ST3GAL5: variants seen among roughly 807,000 people sequenced by gnomAD.
The protein encoded by ST3GAL5 is lactosylceramide alpha-2,3-sialyltransferase.
A neutral mutation model predicts 46.1 loss-of-function variants in ST3GAL5; 25 were observed. That is an observed-to-expected ratio of 0.54 (90% CI 0.40 to 0.76). The LOEUF (loss-of-function observed/expected upper bound fraction) is 0.76, where lower values mean the gene tolerates loss of function less well. Ranked by LOEUF, ST3GAL5 falls within the 30% of genes least tolerant of loss-of-function variation. The probability of loss-of-function intolerance (pLI) is 0.00; values close to 1 mark genes in which losing one functional copy is unlikely to be tolerated. For synonymous variants in ST3GAL5, 182 were observed against 192.7 expected, an observed-to-expected ratio of 0.94 and a Z score of 0.46; for missense variants, 431 against 521.2, an observed-to-expected ratio of 0.83 and a Z score of 1.69.
At chr2:85,870,148 CTTCATAAGTTTTTTACTTTTGAA>C (rs1484034224) in intron 1 of ST3GAL5, 1 of 465,838 alleles carries the variant, frequency 2.1e-6, no homozygotes, top group Non-Finnish European at 4.5e-6. Flanking sequence ...ACATGTGATT[CTTCATAAGTTTTTTACTTTTGAA>C]TTACACGTTT....
intron 1 of ST3GAL5, among the ~76,000 whole-genome samples, chr2:85,883,352 C>T (rs1419254965): frequency 6.6e-6 from 1 of 152,164 alleles, no homozygotes; most frequent in Non-Finnish European, 1.5e-5. Context: ...CTCTTGCCTC[C>T]ACCATGCAAG....
At chr2:85,868,409 T>C (rs1685522657) in intron 1 of ST3GAL5, among the ~76,000 whole-genome samples, 1 of 152,020 alleles carries the variant, frequency 6.6e-6, no homozygotes, top group Non-Finnish European at 1.5e-5. Flanking sequence ...TCAGGCCATC[T>C]TCCCACCTCA....
chr2:85,873,889 G>A (rs527555232), intron 1 of ST3GAL5, among the ~76,000 whole-genome samples: 6 of 152,344 alleles, frequency 3.9e-5, no homozygotes, highest in South Asian at 2.1e-4. Context: ...AGGTGAGGAT[G>A]CTGACTGTGC....
At chr2:85,881,342 A>T (rs1241171204) in intron 1 of ST3GAL5, among the ~76,000 whole-genome samples, 2 of 152,248 alleles carry the variant, frequency 1.3e-5, no homozygotes, top group African/African-American at 2.4e-5. Flanking sequence ...GTAGCTGAAA[A>T]GATACCTGAA....
intron 3 of ST3GAL5, chr2:85,858,134 C>T (rs1185612233): frequency 6.6e-6 from 1 of 152,168 alleles, no homozygotes; most frequent in African/African-American, 2.4e-5. Context: ...GAGAGCCTAC[C>T]GTTTGAGACA....
chr2:85,873,482 G>C (rs1686180487), intron 1 of ST3GAL5, among the ~76,000 whole-genome samples: 1 of 152,082 alleles, frequency 6.6e-6, no homozygotes, highest in African/African-American at 2.4e-5. Context: ...AGGGAGGAGG[G>C]AGGCTACTGA....
At chr2:85,860,530 G>A (rs1042856984) in intron 3 of ST3GAL5, among the ~76,000 whole-genome samples, 4 of 152,170 alleles carry the variant, frequency 2.6e-5, no homozygotes, top group African/African-American at 4.8e-5. Flanking sequence ...GCAATGCAAT[G>A]TGAATTCATT....
chr2:85,848,275 A>ATGATGTCT, intron 3 of ST3GAL5, 71 bp from the exon 4 acceptor site: 1 of 1,612,470 alleles, frequency 6.2e-7, no homozygotes. Context: ...TCTAGATGAC[A>ATGATGTCT]ATTTGTCCTA....
intron 3 of ST3GAL5, chr2:85,854,032 T>A (rs537659199): frequency 6.6e-6 from 1 of 152,356 alleles, no homozygotes; most frequent in Non-Finnish European, 1.5e-5. Context: ...TTTACTAGTT[T>A]CAAACTCACG....
intron 6 of ST3GAL5, 114 bp downstream of exon 6, chr2:85,844,282 A>G (rs781752552): frequency 7.3e-7 from 1 of 1,362,984 alleles, no homozygotes; most frequent in Non-Finnish European, 1.0e-6. Context: ...ATCTAATCAC[A>G]GGCTGGGTTT....
intron 3 of ST3GAL5, chr2:85,848,822 A>C: frequency 6.4e-6 from 1 of 156,918 alleles, no homozygotes; most frequent in South Asian, 1.9e-4. Context: ...AAAAATAATT[A>C]TGATGGTAAA....
At chr2:85,852,614 C>T (rs926238408) in intron 3 of ST3GAL5, among the ~76,000 whole-genome samples, 2 of 152,060 alleles carry the variant, frequency 1.3e-5, no homozygotes, top group African/African-American at 4.8e-5. Flanking sequence ...CCGGGGAACT[C>T]GCTTGGGCCA....
chr2:85,886,030 G>T (rs1349747581), intron 1 of ST3GAL5, among the ~76,000 whole-genome samples: 1 of 152,100 alleles, frequency 6.6e-6, no homozygotes, highest in East Asian at 1.9e-4. Context: ...GTGACTATGT[G>T]GTATATTCAC....
In ST3GAL5 at chr2:85,846,699, C is replaced by A. The variant is rs111619255; in HGVS notation, c.663-136G>T. On this transcript the variant is annotated intron_variant, in intron 4 of 6. Transcript: ENST00000638572. ...GAGTGCATGGTTTGCAGCCTCATCT[C>A]CCCTCCCAGCTCTGTCTTTCTAGGA... is the stretch of plus-strand genomic sequence containing the variant. 1,121 of 771,854 alleles carry A rather than the reference C, an allele frequency of 1.5e-3. 11 individuals carry two copies. In the African/African-American group the frequency reaches 0.016, roughly 11 times the overall value. The allele number at this position is 771,854 out of a possible 1,614,324, so 47.8% of individuals were successfully genotyped here.
intron 1 of ST3GAL5, among the ~76,000 whole-genome samples, chr2:85,863,759 G>A (rs980435954): frequency 6.6e-6 from 1 of 151,380 alleles, no homozygotes; most frequent in African/African-American, 2.4e-5. Context: ...CCAGGCTGGA[G>A]TGCAGTGGCG....
At chr2:85,851,768 CAG>C in intron 3 of ST3GAL5, 1 of 1,272,406 alleles carries the variant, frequency 7.9e-7, no homozygotes, top group Non-Finnish European at 1.0e-6. Context: ...AGGAAGGCCT[CAG>C]AGGCGTCAGC....
chr2:85,851,683 C>A, intron 3 of ST3GAL5: 2 of 1,289,362 alleles, frequency 1.6e-6, no homozygotes, highest in Non-Finnish European at 1.0e-6. Flanking sequence ...TGCCTCAAGG[C>A]GAGTGCCGCA....
intron 1 of ST3GAL5, among the ~76,000 whole-genome samples, chr2:85,878,959 A>G (rs963059515): frequency 1.3e-5 from 2 of 152,144 alleles, no homozygotes; most frequent in Non-Finnish European, 2.9e-5. Context: ...GAAGGAAGGT[A>G]ATGCCAAGAC....
At position 85,844,559 on chromosome 2, in the gene ST3GAL5, G is replaced by A. The variant is rs113976691; in HGVS notation, c.850-5C>T. 7.1e-4 allele frequency: 1,150 copies of A among 1,614,056 alleles called. 3 individuals are homozygous for A. The African/African-American group carries it at 0.012, about 17-fold the overall frequency. The stretch of plus-strand genomic sequence containing the variant: ...GAAGAGTCGTACCCAGAATGGCTAA[G>A]GAAAGCAAGCAAGCAGTTGTTAGTC... On this transcript the variant is annotated splice_polypyrimidine_tract_variant and splice_region_variant and intron_variant, in intron 5 of 6. Coordinates refer to ENST00000638572, the MANE Select transcript of ST3GAL5 (RefSeq NM_003896.4).
Sources: gnomAD v4.1 joint callset for allele counts (sites outside exome capture counted in the v4.1 genomes callset) on GRCh38, gnomAD v4.1.1 for gene constraint, MANE v1.5 for transcripts, NCBI Gene and HGNC (gene_info 2026-07-23, HGNC 2026-07-21) for gene names.